LMAN2L: variants seen among roughly 807,000 people sequenced by gnomAD.
LMAN2L encodes the protein VIP36-like protein.
In LMAN2L, 30 loss-of-function variants were observed where a neutral mutation model predicts 44.3. That is an observed-to-expected ratio of 0.68 (90% CI 0.51 to 0.92). The LOEUF is 0.92. LMAN2L is among the 40% of genes least tolerant of loss of function. The pLI is 0.00. For synonymous variants in LMAN2L, 183 were observed against 171.1 expected (o/e 1.07, Z -0.54); for missense variants, 429 against 446.1 (o/e 0.96, Z 0.35).
At chr2:96,727,454 G>A (rs1321568423) in intron 4 of LMAN2L, among the ~76,000 whole-genome samples, 1 of 152,104 alleles carries the variant, frequency 6.6e-6, no homozygotes, top group East Asian at 1.9e-4. Flanking sequence ...CAACATGGCG[G>A]AACCCTGTCT....
chr2:96,735,936 C>T (rs954928278), intron 2 of LMAN2L, among the ~76,000 whole-genome samples: 2 of 152,136 alleles, frequency 1.3e-5, no homozygotes, highest in African/African-American at 4.8e-5. Context: ...CATTTGAGCC[C>T]AGGAGGTCCA....
chr2:96,735,565 G>A lies in LMAN2L; in HGVS notation c.307-1039C>T, dbSNP rs77406439. On this transcript the variant is annotated intron_variant, in intron 2 of 7. Coordinates refer to ENST00000264963, the MANE Select transcript of LMAN2L (RefSeq NM_030805.4). The stretch of plus-strand genomic sequence containing the variant: ...TACGATTTCAGAGAAACGGCCCAGC[G>A]CGGTGGCTCACGCCTGTAATCCCAG... Among the ~76,000 whole-genome samples the A allele has an allele frequency of 1.7e-4, 26 of 152,270 alleles. No individual in the cohort carries two copies. The East Asian group carries it at 4.1e-3, about 24-fold the overall frequency.
chr2:96,738,027 G>A lies in LMAN2L; in HGVS notation c.228C>T (p.Gly76=), dbSNP rs376632354. 1 of 1,613,980 alleles carries A rather than the reference G, an allele frequency of 6.2e-7. No individual in the cohort carries two copies. The change falls in exon 2 of 8, where the codon GGC becomes GGT. Residue 76 remains glycine, a synonymous_variant. Transcript: ENST00000264963. ...TGSSSLWNLM[G]NAMVMTQYIR... ...TATACTGGGTCATCACCATGGCATTGCCCATCAGATTCCACAGTGAGGAAC... is the reference window on the plus strand; with the variant it reads ...TATACTGGGTCATCACCATGGCATTACCCATCAGATTCCACAGTGAGGAAC...
At chr2:96,730,598 G>C (rs1226346356) in intron 4 of LMAN2L, among the ~76,000 whole-genome samples, 3 of 152,156 alleles carry the variant, frequency 2.0e-5, no homozygotes, top group Non-Finnish European at 2.9e-5. Context: ...AACATAACAA[G>C]ACTACTGGCC....
At chr2:96,725,633 G>C (rs1366966631) in intron 4 of LMAN2L, among the ~76,000 whole-genome samples, 3 of 150,660 alleles carry the variant, frequency 2.0e-5, no homozygotes, top group African/African-American at 4.9e-5. Flanking sequence ...TTTTAGTAGA[G>C]ACGGGGTTTT....
At chr2:96,708,908 CTTTT>C (rs140328524) in intron 6 of LMAN2L, among the ~76,000 whole-genome samples, 1 of 89,248 alleles carries the variant, frequency 1.1e-5, no homozygotes, top group Non-Finnish European at 2.1e-5. Context: ...TGAAGTTAGA[CTTTT>C]TTTTTTTTTT....
intron 4 of LMAN2L, among the ~76,000 whole-genome samples, chr2:96,723,921 T>C (rs931092397): frequency 2.0e-5 from 3 of 151,636 alleles, no homozygotes; most frequent in African/African-American, 7.3e-5. Flanking sequence ...ACCCCATCTC[T>C]ACTAAAAACA....
intron 4 of LMAN2L, among the ~76,000 whole-genome samples, chr2:96,725,175 G>A (rs979324074): frequency 2.6e-5 from 4 of 151,956 alleles, no homozygotes; most frequent in African/African-American, 9.7e-5. Context: ...GGCCAGGATG[G>A]TCTTGATCTC....
intron 6 of LMAN2L, among the ~76,000 whole-genome samples, 192 bp downstream of exon 6, chr2:96,711,464 C>G (rs2077914188): frequency 6.6e-6 from 1 of 152,216 alleles, no homozygotes; most frequent in African/African-American, 2.4e-5. Context: ...CTTCTAGTGA[C>G]AACTGTACTA....
At chr2:96,724,040 AGT>A (rs2078216599) in intron 4 of LMAN2L, among the ~76,000 whole-genome samples, 1 of 151,830 alleles carries the variant, frequency 6.6e-6, no homozygotes, top group Non-Finnish European at 1.5e-5. Flanking sequence ...CAGAGCTTGC[AGT>A]GAGCCGAGAT....
chr2:96,722,613 T>G (rs1436462376), intron 4 of LMAN2L, among the ~76,000 whole-genome samples: 16 of 152,216 alleles, frequency 1.1e-4, no homozygotes, highest in Admixed American at 9.8e-4. Flanking sequence ...TCACCTGCTG[T>G]GCAGCCTGGT....
intron 4 of LMAN2L, among the ~76,000 whole-genome samples, chr2:96,723,561 C>A (rs540148879): frequency 6.6e-6 from 1 of 152,144 alleles, no homozygotes; most frequent in South Asian, 2.1e-4. Flanking sequence ...TCTTTCGTTG[C>A]TTTTTCTTTT....
chr2:96,718,573 A>G (rs2078088407), intron 4 of LMAN2L, among the ~76,000 whole-genome samples: 1 of 152,078 alleles, frequency 6.6e-6, no homozygotes, highest in Non-Finnish European at 1.5e-5. Flanking sequence ...CCTCCATTTC[A>G]TCCTCCCTGG....
intron 6 of LMAN2L, among the ~76,000 whole-genome samples, chr2:96,711,313 A>G (rs1276303141): frequency 6.6e-6 from 1 of 152,180 alleles, no homozygotes; most frequent in Non-Finnish European, 1.5e-5. Flanking sequence ...AAGCTTTGTT[A>G]AGGAAGGGGA....
At chr2:96,720,938 CA>C (rs1012329265) in intron 4 of LMAN2L, among the ~76,000 whole-genome samples, 1 of 151,266 alleles carries the variant, frequency 6.6e-6, no homozygotes, top group African/African-American at 2.4e-5. Flanking sequence ...GACTCAGTCT[CA>C]AAAAAAATAA....
intron 6 of LMAN2L, among the ~76,000 whole-genome samples, chr2:96,708,610 G>A (rs1180003481): frequency 6.6e-6 from 1 of 152,178 alleles, no homozygotes; most frequent in East Asian, 1.9e-4. Context: ...AAGTAGGACT[G>A]CAGCTTCCCC....
intron 4 of LMAN2L, among the ~76,000 whole-genome samples, chr2:96,725,603 C>T (rs1420602907): frequency 4.0e-5 from 6 of 151,330 alleles, no homozygotes; most frequent in Admixed American, 6.6e-5. Context: ...CCACCATGCC[C>T]GGCTGATTTT....
chr2:96,734,281 T>C, intron 3 of LMAN2L, 128 bp downstream of exon 3: 1 of 710,462 alleles, frequency 1.4e-6, no homozygotes, highest in Non-Finnish European at 2.6e-6. Context: ...GAAGGGCCAG[T>C]GTTCATCCAC....
At chr2:96,723,106 T>G (rs1180307046) in intron 4 of LMAN2L, among the ~76,000 whole-genome samples, 2 of 152,268 alleles carry the variant, frequency 1.3e-5, no homozygotes, top group African/African-American at 4.8e-5. Context: ...AAAGTCTATG[T>G]TTAGTCATTT....
Sources: allele counts gnomAD v4.1 joint callset (sites outside exome capture counted in the v4.1 genomes callset), GRCh38; gene constraint gnomAD v4.1.1; transcripts MANE v1.5; gene names NCBI Gene and HGNC (gene_info 2026-07-23, HGNC 2026-07-21).